CMSS1: variants seen among roughly 807,000 people sequenced by gnomAD.
CMSS1 encodes cms1 ribosomal small subunit homolog, also known as protein CMSS1.
In CMSS1, 33 loss-of-function variants were observed where a neutral mutation model predicts 43.5. That is an observed-to-expected ratio of 0.76 (90% CI 0.57 to 1.01). CMSS1 has a LOEUF of 1.01. Among genes scored for constraint, CMSS1 ranks in the 50% least tolerant of loss-of-function variants. CMSS1 has a pLI of 0.00. For missense variants in CMSS1, 313 were observed against 326.4 expected (o/e 0.96, Z 0.32); for synonymous variants, 115 against 117.2 (o/e 0.98, Z 0.12).
At chr3:99,983,478 A>ATGTG (rs1265189911) in intron 1 of CMSS1, among the ~76,000 whole-genome samples, 515 of 21,974 alleles carry the variant, frequency 0.023, 28 homozygotes, top group African/African-American at 0.068. Flanking sequence ...ATATATATAT[A>ATGTG]TATATATATA....
chr3:99,878,404 T>C (rs2107598552), intron 1 of CMSS1, among the ~76,000 whole-genome samples: 1 of 152,354 alleles, frequency 6.6e-6, no homozygotes, highest in Non-Finnish European at 1.5e-5. Flanking sequence ...GTCACACCGC[T>C]ACTAAAGTAA....
intron 1 of CMSS1, among the ~76,000 whole-genome samples, chr3:99,928,564 A>G (rs563195816): frequency 6.6e-6 from 1 of 152,218 alleles, no homozygotes; most frequent in Non-Finnish European, 1.5e-5. Context: ...GGGTATTTCC[A>G]ATTTTGCATG....
intron 1 of CMSS1, among the ~76,000 whole-genome samples, chr3:99,980,896 A>G (rs763363172): frequency 1.9e-4 from 29 of 152,288 alleles, no homozygotes; most frequent in Admixed American, 3.9e-4. Context: ...GCTAGGTTTG[A>G]ATCGGGTACT....
intron 1 of CMSS1, among the ~76,000 whole-genome samples, chr3:99,988,516 AAAAAAAAAAAAAAAG>A (rs1479917438): frequency 2.3e-5 from 3 of 132,652 alleles, no homozygotes; most frequent in African/African-American, 8.1e-5. Context: ...CATCTCAAAA[AAAAAAAAAAAAAAAG>A]AAAGAAAAGG....
chr3:99,938,741 T>C (rs1707768481), intron 1 of CMSS1, among the ~76,000 whole-genome samples: 2 of 152,152 alleles, frequency 1.3e-5, no homozygotes, highest in South Asian at 4.1e-4. Context: ...TATAAATAGA[T>C]GTTAATAGCG....
chr3:99,866,025 A>C (rs1944495184), intron 1 of CMSS1, among the ~76,000 whole-genome samples: 1 of 152,084 alleles, frequency 6.6e-6, no homozygotes. Context: ...TGGAGGATTT[A>C]ATATGATTCC....
In CMSS1 at chr3:99,856,098, G is replaced by GCTGCTCTGCT. The variant is rs71130096; in HGVS notation, c.64+38089_64+38098dup. On this transcript the variant is annotated intron_variant, in intron 1 of 9. Coordinates refer to ENST00000421999, the MANE Select transcript of CMSS1 (RefSeq NM_032359.4). ...TGAACCTGTTGCTGCTGCTGCTCTT[G>GCTGCTCTGCT]CTGCTCTGCTCTGCTCTGCTCTGCT... Among the ~76,000 whole-genome samples the GCTGCTCTGCT allele has an allele frequency of 1.2e-3, 181 of 151,350 alleles. 1 individual carries two copies. The highest frequency in any genetic ancestry group is 1.6e-3 in the Non-Finnish European group (106 of 67,792).
intron 1 of CMSS1, among the ~76,000 whole-genome samples, chr3:100,012,208 A>G (rs1710176703): frequency 1.3e-5 from 2 of 152,184 alleles, no homozygotes; most frequent in Admixed American, 6.5e-5. Flanking sequence ...AAAGGATAAA[A>G]TATCTAAAAT....
intron 7 of CMSS1, 124 bp from the exon 8 acceptor site, chr3:100,172,192 C>A: frequency 1.2e-6 from 1 of 846,284 alleles, no homozygotes; most frequent in Non-Finnish European, 1.9e-6. Flanking sequence ...GAAGTCGACC[C>A]TACACAAGGG....
intron 1 of CMSS1, among the ~76,000 whole-genome samples, chr3:100,087,373 G>C (rs1245546034): frequency 6.6e-6 from 1 of 152,148 alleles, no homozygotes; most frequent in East Asian, 1.9e-4. Flanking sequence ...TATTGTCAGT[G>C]GGTTAGTTTG....
In CMSS1 at chr3:99,864,863, T is replaced by G. The variant is rs1944434869; in HGVS notation, c.64+46820T>G. On this transcript the variant is annotated intron_variant, in intron 1 of 9. Coordinates refer to ENST00000421999, the MANE Select transcript of CMSS1 (RefSeq NM_032359.4). ...TTTTATGTATTTATTGATTACTGTC[T>G]CTCCTACTAGAATGTAAACTACATG... Among the ~76,000 whole-genome samples the G allele has an allele frequency of 1.3e-5, 2 of 152,156 alleles. 1 individual carries two copies. Among genetic ancestry groups the G allele is most frequent in the South Asian group, 4.1e-4 (2 of 4,822 alleles).
At chr3:99,949,749 G>A (rs774170508) in intron 1 of CMSS1, among the ~76,000 whole-genome samples, 19 of 152,168 alleles carry the variant, frequency 1.2e-4, no homozygotes, top group Non-Finnish European at 2.6e-4. Context: ...TAGCCATTAT[G>A]TATCTAAAGT....
At chr3:99,912,060 A>T (rs990812463) in intron 1 of CMSS1, among the ~76,000 whole-genome samples, 5 of 152,222 alleles carry the variant, frequency 3.3e-5, no homozygotes, top group African/African-American at 1.2e-4. Context: ...TTATCTCATG[A>T]GAAATCTACA....
chr3:100,123,315 C>G (rs1010637208), intron 1 of CMSS1, among the ~76,000 whole-genome samples: 2 of 152,104 alleles, frequency 1.3e-5, no homozygotes, highest in African/African-American at 4.8e-5. Flanking sequence ...AAAGGAGTTT[C>G]CATGTTCTAG....
chr3:100,169,932 T>C (rs1169610079), intron 6 of CMSS1, among the ~76,000 whole-genome samples: 3 of 152,268 alleles, frequency 2.0e-5, no homozygotes, highest in African/African-American at 7.2e-5. Flanking sequence ...AAAAGTACTG[T>C]GTTGTCACAC....
intron 1 of CMSS1, chr3:99,849,887 C>G (rs536583796): frequency 6.2e-7 from 1 of 1,611,872 alleles, no homozygotes; most frequent in African/African-American, 1.3e-5. Flanking sequence ...TTCTCAATTG[C>G]TTCCAATGAT....
intron 1 of CMSS1, among the ~76,000 whole-genome samples, chr3:99,961,159 A>G (rs757059879): frequency 1.3e-5 from 2 of 152,204 alleles, no homozygotes; most frequent in African/African-American, 2.4e-5. Flanking sequence ...AAGTTTCTTG[A>G]AAGTTGTAAA....
At chr3:99,981,161 G>A (rs973541970) in intron 1 of CMSS1, among the ~76,000 whole-genome samples, 1 of 152,136 alleles carries the variant, frequency 6.6e-6, no homozygotes, top group African/African-American at 2.4e-5. Context: ...CCCTGTGCTG[G>A]GATGTGGTGC....
chr3:99,945,050 A>C (rs1051000275), intron 1 of CMSS1, among the ~76,000 whole-genome samples: 3 of 152,148 alleles, frequency 2.0e-5, no homozygotes, highest in African/African-American at 7.2e-5. Flanking sequence ...TTAAGTCAAA[A>C]ATCATCAAGA....
Sources: gnomAD v4.1 joint callset for allele counts (sites outside exome capture counted in the v4.1 genomes callset) on GRCh38, gnomAD v4.1.1 for gene constraint, MANE v1.5 for transcripts, NCBI Gene and HGNC (gene_info 2026-07-23, HGNC 2026-07-21) for gene names.